Variants in GATB observed in about 807,000 individuals in gnomAD.
The protein encoded by GATB is glutamyl-tRNA(Gln) amidotransferase subunit B, mitochondrial.
GATB carries 39 observed loss-of-function variants against 62.3 expected under a neutral mutation model. That is an observed-to-expected ratio of 0.63 (90% CI 0.48 to 0.82). GATB has a LOEUF of 0.82. GATB is among the 40% of genes least tolerant of loss of function. The pLI is 0.00. For missense variants in GATB, 670 were observed against 684.0 expected (o/e 0.98, Z 0.23); for synonymous variants, 276 against 258.9 (o/e 1.07, Z -0.63).
At chr4:151,685,448 G>C (rs973077066) in intron 10 of GATB, among the ~76,000 whole-genome samples, 1 of 152,176 alleles carries the variant, frequency 6.6e-6, no homozygotes, top group Non-Finnish European at 1.5e-5. Flanking sequence ...CGTTCCAGAG[G>C]CTCCCTATTC....
intron 2 of GATB, chr4:151,722,548 G>A (rs565302921): frequency 3.2e-4 from 83 of 257,202 alleles, no homozygotes; most frequent in Non-Finnish European, 3.4e-4. Flanking sequence ...TGTGCAAACC[G>A]TGCTGATCTT....
At position 151,740,271 on chromosome 4, in the gene GATB, G is replaced by T. The variant is rs1578935158; in HGVS notation, c.327+18501C>A. ...ACTTACCAATGGAGATATGTTCTGA[G>T]AAATGCCTTGTTAGGAGACTTTGCT... On this transcript the variant is annotated intron_variant, in intron 2 of 12. Coordinates refer to ENST00000263985, the MANE Select transcript of GATB (RefSeq NM_004564.3). Among the ~76,000 whole-genome samples the T allele has an allele frequency of 1.3e-5, 2 of 152,152 alleles. 1 individual carries two copies. Among genetic ancestry groups the T allele is most frequent in the African/African-American group, 4.8e-5 (2 of 41,426 alleles).
chr4:151,719,630 G>A, intron 2 of GATB, 92 bp from the exon 3 acceptor site: 1 of 824,202 alleles, frequency 1.2e-6, no homozygotes, highest in Non-Finnish European at 1.9e-6. Flanking sequence ...TATGCAACTT[G>A]GCCCTTCAAC....
At chr4:151,749,429 A>G (rs1417671420) in intron 2 of GATB, among the ~76,000 whole-genome samples, 2 of 146,186 alleles carry the variant, frequency 1.4e-5, no homozygotes, top group East Asian at 4.3e-4. Context: ...CAAACACCAC[A>G]TGTTCTCACT....
chr4:151,747,777 T>G (rs1180148363), intron 2 of GATB, among the ~76,000 whole-genome samples: 1 of 152,160 alleles, frequency 6.6e-6, no homozygotes, highest in Non-Finnish European at 1.5e-5. Context: ...CAAGTTGGAA[T>G]TCTATACTAC....
intron 2 of GATB, among the ~76,000 whole-genome samples, chr4:151,748,393 C>G (rs1739646175): frequency 6.6e-6 from 1 of 152,120 alleles, no homozygotes; most frequent in South Asian, 2.1e-4. Context: ...ACAAAACTGA[C>G]AAAAACAAGA....
intron 5 of GATB, among the ~76,000 whole-genome samples, chr4:151,713,058 G>A (rs1247038152): frequency 6.6e-6 from 1 of 152,010 alleles, no homozygotes; most frequent in Non-Finnish European, 1.5e-5. Flanking sequence ...ATTCTCATAG[G>A]AGCACGAACC....
intron 11 of GATB, chr4:151,674,895 C>G (rs1036833077): frequency 6.6e-6 from 1 of 152,222 alleles, no homozygotes; most frequent in African/African-American, 2.4e-5. Flanking sequence ...GACGAGCAGC[C>G]TGTGCCTGGA....
At chr4:151,728,834 C>A (rs1248773183) in intron 2 of GATB, among the ~76,000 whole-genome samples, 1 of 152,172 alleles carries the variant, frequency 6.6e-6, no homozygotes, top group African/African-American at 2.4e-5. Flanking sequence ...AGAAACAAAA[C>A]AACTGTCTTG....
intron 2 of GATB, among the ~76,000 whole-genome samples, chr4:151,753,913 C>T (rs1465882953): frequency 6.6e-5 from 10 of 152,292 alleles, no homozygotes; most frequent in East Asian, 5.8e-4. Flanking sequence ...CTCACTTCTT[C>T]CTCCATGCCA....
chr4:151,698,475 C>T (rs1277903848), intron 9 of GATB, among the ~76,000 whole-genome samples: 1 of 152,078 alleles, frequency 6.6e-6, no homozygotes, highest in East Asian at 1.9e-4. Flanking sequence ...AGCACACCTC[C>T]ACCACTGCTA....
chr4:151,690,524 G>C (rs755194555), intron 9 of GATB, among the ~76,000 whole-genome samples: 3 of 152,206 alleles, frequency 2.0e-5, no homozygotes, highest in Non-Finnish European at 4.4e-5. Context: ...AAATCAGACG[G>C]GCAGAATTCC....
intron 2 of GATB, among the ~76,000 whole-genome samples, chr4:151,744,264 G>A (rs983211287): frequency 8.5e-5 from 13 of 152,180 alleles, no homozygotes; most frequent in Non-Finnish European, 1.3e-4. Context: ...GTGTATGTAC[G>A]TGTATGCAAG....
At chr4:151,682,595 C>T (rs1161911176) in intron 10 of GATB, among the ~76,000 whole-genome samples, 1 of 152,024 alleles carries the variant, frequency 6.6e-6, no homozygotes, top group African/African-American at 2.4e-5. Flanking sequence ...TTCAAAGCTC[C>T]AAAATTTGTC....
chr4:151,747,322 C>A (rs1739622501), intron 2 of GATB, among the ~76,000 whole-genome samples: 2 of 152,158 alleles, frequency 1.3e-5, no homozygotes, highest in African/African-American at 4.8e-5. Context: ...AAACCTTTTG[C>A]CACCAACTGG....
rs1739941273 is a variant in GATB, at chr4:151,760,877, A to G, written c.106T>C (p.Ser36Pro). The change falls in exon 1 of 13, where the codon TCC (serine) becomes CCC (proline). Residue 36 changes from serine (S) to proline (P), a missense_variant. Physicochemically the swap from Ser to Pro is moderately conservative, Grantham distance 74 (BLOSUM62 -1). Transcript: ENST00000263985. Reference protein sequence around the residue: ...HRRGAPTGSTSNQIRGESSVA... With the variant: ...HRRGAPTGSTPNQIRGESSVA... ...GAGCTCTCTCCCCTAATCTGGTTGG[A>G]TGTGGACCCAGTCGGAGCCCCTCTT... 6.2e-7 allele frequency: 1 copy of G among 1,613,802 alleles called. No individual in the cohort carries two copies. Among genetic ancestry groups the G allele is most frequent in the Non-Finnish European group, 8.5e-7 (1 of 1,179,938 alleles).
At chr4:151,675,270 G>T (rs1737974271) in intron 11 of GATB, 1 of 152,116 alleles carries the variant, frequency 6.6e-6, no homozygotes, top group African/African-American at 2.4e-5. Flanking sequence ...CAGCCTCCTG[G>T]AACACATGGG....
intron 11 of GATB, chr4:151,674,379 G>A (rs1737951439): frequency 6.6e-6 from 1 of 152,156 alleles, no homozygotes; most frequent in South Asian, 2.1e-4. Flanking sequence ...GTAAGTCGGA[G>A]GAGTCCATCT....
At chr4:151,726,206 C>T (rs1319593381) in intron 2 of GATB, among the ~76,000 whole-genome samples, 4 of 152,162 alleles carry the variant, frequency 2.6e-5, no homozygotes, top group Non-Finnish European at 4.4e-5. Flanking sequence ...TATCTTACTG[C>T]TAACCATAAA....
Sources: gnomAD v4.1 joint callset for allele counts (sites outside exome capture counted in the v4.1 genomes callset) on GRCh38, gnomAD v4.1.1 for gene constraint, MANE v1.5 for transcripts, NCBI Gene and HGNC (gene_info 2026-07-23, HGNC 2026-07-21) for gene names.